The following PLXDC2 variants were observed in gnomAD, a reference collection of about 807,000 sequenced individuals.
The protein encoded by PLXDC2 is plexin domain containing 2.
In PLXDC2, 40 loss-of-function variants were observed where a neutral mutation model predicts 68.9. That is an observed-to-expected ratio of 0.58 (90% CI 0.45 to 0.76). The LOEUF (loss-of-function observed/expected upper bound fraction) is 0.76, where lower values mean the gene tolerates loss of function less well. Ranked by LOEUF, PLXDC2 falls within the 30% of genes least tolerant of loss-of-function variation. The pLI is 0.00. For synonymous variants in PLXDC2, 243 were observed against 234.2 expected (o/e 1.04, Z -0.34); for missense variants, 644 against 661.9 (o/e 0.97, Z 0.30).
At chr10:19,855,303 A>G (rs1047319050) in intron 1 of PLXDC2, among the ~76,000 whole-genome samples, 7 of 152,174 alleles carry the variant, frequency 4.6e-5, no homozygotes, top group African/African-American at 1.7e-4. Flanking sequence ...ATTTCAAATT[A>G]TCGTCAATGG....
At chr10:20,101,793 A>T (rs976940279) in intron 4 of PLXDC2, among the ~76,000 whole-genome samples, 7 of 83,306 alleles carry the variant, frequency 8.4e-5, no homozygotes, top group Admixed American at 6.2e-4. Flanking sequence ...TTTTTTACCA[A>T]ACTTTTTTTT....
intron 8 of PLXDC2, 111 bp downstream of exon 8, chr10:20,177,205 G>C: frequency 1.5e-6 from 2 of 1,297,326 alleles, no homozygotes; most frequent in Non-Finnish European, 2.2e-6. Context: ...AATTGTGTTT[G>C]GCATGCATGG....
chr10:20,143,303 T>C lies in PLXDC2; in HGVS notation c.550T>C (p.Tyr184His). 1.2e-6 allele frequency: 2 copies of C among 1,611,908 alleles called. No individual in the cohort carries two copies. Among genetic ancestry groups the C allele is most frequent in the Middle Eastern group, 1.7e-4 (1 of 5,988 alleles). The change falls in exon 5 of 14, where the codon TAC (tyrosine) becomes CAC (histidine). Residue 184 changes from tyrosine to histidine, a missense_variant. Tyr to His is a moderately conservative substitution (Grantham distance 83). Coordinates refer to ENST00000377252, the MANE Select transcript of PLXDC2 (RefSeq NM_032812.9). ...TATTTTTCTAATTCTAGGTTTCATA[T>C]ACACTGGAGAAGTCGTACATCGAAT... ...EITVATGGFI[Y>H]TGEVVHRMLT... is the part of the protein sequence containing the mutation.
At chr10:20,128,015 G>A (rs1833815640) in intron 4 of PLXDC2, among the ~76,000 whole-genome samples, 1 of 152,084 alleles carries the variant, frequency 6.6e-6, no homozygotes, top group Non-Finnish European at 1.5e-5. Flanking sequence ...TGTAGGCTCT[G>A]GTCAACCTAG....
chr10:19,996,998 G>A (rs985357570), intron 1 of PLXDC2, among the ~76,000 whole-genome samples: 15 of 152,220 alleles, frequency 9.9e-5, no homozygotes, highest in African/African-American at 3.6e-4. Flanking sequence ...TTAGGGTGGG[G>A]ACACAGCCAA....
chr10:19,855,231 TG>T (rs1308773619), intron 1 of PLXDC2, among the ~76,000 whole-genome samples: 2 of 151,704 alleles, frequency 1.3e-5, no homozygotes, highest in Admixed American at 6.6e-5. Flanking sequence ...ACGATTTTGT[TG>T]TTGTTGTTGT....
At chr10:20,205,031 A>T (rs2131851296) in intron 9 of PLXDC2, among the ~76,000 whole-genome samples, 1 of 152,154 alleles carries the variant, frequency 6.6e-6, no homozygotes, top group African/African-American at 2.4e-5. Flanking sequence ...TTTAACATTT[A>T]CTCTATTTCC....
intron 13 of PLXDC2, among the ~76,000 whole-genome samples, chr10:20,266,985 G>A (rs577983778): frequency 6.6e-6 from 1 of 152,080 alleles, no homozygotes; most frequent in African/African-American, 2.4e-5. Flanking sequence ...AACATCAAAC[G>A]AAGTCATTTA....
intron 4 of PLXDC2, among the ~76,000 whole-genome samples, chr10:20,093,596 GAA>G (rs954474283): frequency 3.3e-5 from 5 of 151,872 alleles, no homozygotes; most frequent in Non-Finnish European, 5.9e-5. Flanking sequence ...TTTTTTTCCA[GAA>G]AAAGTTAGTT....
intron 1 of PLXDC2, among the ~76,000 whole-genome samples, chr10:19,821,013 G>C (rs969031160): frequency 3.3e-5 from 5 of 152,212 alleles, no homozygotes; most frequent in African/African-American, 1.2e-4. Flanking sequence ...CCAGGAGGCG[G>C]AGATAGCAGC....
intron 1 of PLXDC2, among the ~76,000 whole-genome samples, chr10:19,927,713 C>CAAAAAAAAAAAAAAAAAAAAAAAAAA (rs35250324): frequency 3.8e-5 from 2 of 53,142 alleles, no homozygotes; most frequent in African/African-American, 1.6e-4. Context: ...GGAAAAAAAG[C>CAAAAAAAAAAAAAAAAAAAAAAAAAA]AAAAAAAAAA....
At chr10:19,831,401 C>A (rs939815871) in intron 1 of PLXDC2, among the ~76,000 whole-genome samples, 1 of 151,972 alleles carries the variant, frequency 6.6e-6, no homozygotes, top group Non-Finnish European at 1.5e-5. Flanking sequence ...CAGTGGGAAA[C>A]CATGAAAGGG....
At chr10:20,189,753 A>T (rs1320521441) in intron 9 of PLXDC2, among the ~76,000 whole-genome samples, 2 of 151,130 alleles carry the variant, frequency 1.3e-5, no homozygotes, top group African/African-American at 4.9e-5. Context: ...TCAAAATATG[A>T]ATAGTGTTGA....
intron 1 of PLXDC2, among the ~76,000 whole-genome samples, chr10:19,867,470 G>A (rs975767817): frequency 1.1e-4 from 16 of 152,320 alleles, no homozygotes; most frequent in Admixed American, 3.3e-4. Context: ...CAAGGGGTAT[G>A]TTCAGTTTCT....
chr10:19,904,680 G>A (rs74122110), intron 1 of PLXDC2, among the ~76,000 whole-genome samples: 3,522 of 152,246 alleles, frequency 0.023, 130 homozygotes, highest in African/African-American at 0.08. Context: ...GTATGTTCCT[G>A]TGGTAGTTCT....
intron 4 of PLXDC2, among the ~76,000 whole-genome samples, chr10:20,077,911 C>G (rs1212315232): frequency 6.6e-6 from 1 of 152,022 alleles, no homozygotes; most frequent in Non-Finnish European, 1.5e-5. Flanking sequence ...TTTTTTCTCT[C>G]TTGTTCTTCT....
chr10:19,837,423 T>A lies in PLXDC2; in HGVS notation c.112+20232T>A, dbSNP rs1469791043. Among the ~76,000 whole-genome samples the A allele has an allele frequency of 2.2e-3, 329 of 150,246 alleles. 7 individuals carry two copies. The East Asian group carries it at 0.048, about 22-fold the overall frequency. On this transcript the variant is annotated intron_variant, in intron 1 of 13. Coordinates refer to ENST00000377252, the MANE Select transcript of PLXDC2 (RefSeq NM_032812.9). ...GAGAGAGAGAGAGTGTGTGTGTGTG[T>A]GTGTGTGTGTGTGTGTGTGTGTATG...
intron 5 of PLXDC2, among the ~76,000 whole-genome samples, chr10:20,143,696 A>G (rs1018932693): frequency 3.3e-5 from 5 of 152,106 alleles, no homozygotes; most frequent in African/African-American, 1.2e-4. Context: ...TGCTATTTCA[A>G]TAAGTCAGTT....
rs1184268183 is a variant in PLXDC2 at position 20,200,000 on chromosome 10, G to A, written c.1062-11669G>A. Among the ~76,000 whole-genome samples, 3 of 152,064 alleles carry A rather than the reference G, an allele frequency of 2.0e-5. No individual in the cohort carries two copies. In the South Asian group the frequency reaches 6.2e-4, roughly 32 times the overall value. On this transcript the variant is annotated intron_variant, in intron 9 of 13. Transcript: ENST00000377252. ...AACTAAGAAATGAAATAATGGGGTA[G>A]CTAGGAGAGAATCTGGCAGTTATTT...
Sources: allele counts gnomAD v4.1 joint callset (sites outside exome capture counted in the v4.1 genomes callset), GRCh38; gene constraint gnomAD v4.1.1; transcripts MANE v1.5; gene names NCBI Gene and HGNC (gene_info 2026-07-23, HGNC 2026-07-21).